RBFOX1: variants seen among roughly 807,000 people sequenced by gnomAD.
The protein encoded by RBFOX1 is RNA binding fox-1 homolog 1.
RBFOX1 carries 8 observed loss-of-function variants against 57.7 expected under a neutral mutation model. That is an observed-to-expected ratio of 0.14 (90% CI 0.08 to 0.25). The LOEUF (loss-of-function observed/expected upper bound fraction) is 0.25, where lower values mean the gene tolerates loss of function less well. Ranked by LOEUF, RBFOX1 falls within the 10% of genes least tolerant of loss-of-function variation. The pLI, the probability that RBFOX1 is intolerant of heterozygous loss-of-function variation, is 1.00. For missense variants in RBFOX1, 611 were observed against 548.5 expected, an observed-to-expected ratio of 1.11 and a Z score of -1.14; for synonymous variants, 326 against 222.4, an observed-to-expected ratio of 1.47 and a Z score of -4.15.
intron 3 of RBFOX1, among the ~76,000 whole-genome samples, chr16:6,976,836 C>A (rs1450583700): frequency 7.3e-6 from 1 of 136,354 alleles, no homozygotes; most frequent in African/African-American, 2.7e-5. Flanking sequence ...TATAATGTAC[C>A]TATCATATGA....
chr16:6,999,061 G>A (rs1280311707), intron 3 of RBFOX1, among the ~76,000 whole-genome samples: 7 of 150,898 alleles, frequency 4.6e-5, no homozygotes, highest in African/African-American at 1.7e-4. Context: ...TAGAGACAGG[G>A]TTTCACCATG....
At chr16:6,771,176 C>T (rs2078231495) in intron 3 of RBFOX1, among the ~76,000 whole-genome samples, 2 of 152,076 alleles carry the variant, frequency 1.3e-5, no homozygotes, top group Admixed American at 1.3e-4. Flanking sequence ...GTCTGCAAGC[C>T]AAGGAAAGAG....
At chr16:6,470,376 T>C (rs962269682) in intron 2 of RBFOX1, among the ~76,000 whole-genome samples, 1 of 152,230 alleles carries the variant, frequency 6.6e-6, no homozygotes, top group Admixed American at 6.5e-5. Context: ...TATATTGATA[T>C]ATGAAAGCTT....
chr16:5,505,461 G>C (rs965458472), intron 2 of RBFOX1, among the ~76,000 whole-genome samples: 1 of 152,142 alleles, frequency 6.6e-6, no homozygotes, highest in African/African-American at 2.4e-5. Flanking sequence ...TAGTGTCTGA[G>C]CAACATTTGC....
chr16:7,049,394 C>T (rs1055449221), intron 3 of RBFOX1, among the ~76,000 whole-genome samples: 3 of 152,032 alleles, frequency 2.0e-5, no homozygotes, highest in African/African-American at 7.3e-5. Flanking sequence ...TATACATGAA[C>T]ACTACCCTGA....
At chr16:6,375,293 A>G (rs1316552630) in intron 2 of RBFOX1, among the ~76,000 whole-genome samples, 1 of 150,088 alleles carries the variant, frequency 6.7e-6, no homozygotes, top group East Asian at 1.9e-4. Flanking sequence ...GTGGGGAAAA[A>G]AAACAAAAAC....
chr16:7,267,472 G>A (rs1189828663), intron 4 of RBFOX1, among the ~76,000 whole-genome samples: 2 of 152,114 alleles, frequency 1.3e-5, no homozygotes, highest in African/African-American at 4.8e-5. Context: ...GTAGGTGGAG[G>A]TTGCAGCGAG....
At chr16:6,178,056 T>G (rs1410579397) in intron 1 of RBFOX1, among the ~76,000 whole-genome samples, 3 of 152,258 alleles carry the variant, frequency 2.0e-5, no homozygotes, top group Non-Finnish European at 4.4e-5. Context: ...CAGGATTTTA[T>G]TTTTCCCTAA....
chr16:5,704,142 C>T (rs972462737), intron 3 of RBFOX1, among the ~76,000 whole-genome samples: 2 of 152,112 alleles, frequency 1.3e-5, no homozygotes, highest in Non-Finnish European at 2.9e-5. Context: ...GAGGACATGA[C>T]AGCAAGAAGA....
chr16:5,544,633 A>G (rs982052505), intron 2 of RBFOX1, among the ~76,000 whole-genome samples: 6 of 152,198 alleles, frequency 3.9e-5, no homozygotes, highest in Admixed American at 6.6e-5. Context: ...ATAAATTGAG[A>G]AGCAGCTAAC....
chr16:7,164,990 A>G (rs2079122403), intron 4 of RBFOX1, among the ~76,000 whole-genome samples: 1 of 152,198 alleles, frequency 6.6e-6, no homozygotes, highest in African/African-American at 2.4e-5. Flanking sequence ...CTGAATTTGG[A>G]GCCCTATAAA....
Position 7,020,894 on chromosome 16 carries a change from A to C in RBFOX1, c.-15-31163A>C, listed in dbSNP as rs116800592. Among the ~76,000 whole-genome samples the C allele has an allele frequency of 2.2e-3, 330 of 151,670 alleles. 1 individual carries two copies. Among genetic ancestry groups the C allele is most frequent in the African/African-American group, 7.7e-3 (316 of 40,962 alleles). On this transcript the variant is annotated intron_variant, in intron 3 of 15. Coordinates refer to ENST00000550418, the MANE Select transcript of RBFOX1 (RefSeq NM_018723.4). ...GTAATCCCAGAACTTTGCGATGCTA[A>C]GACAGGCAAATCGCTTGAGGCCAGG... is the stretch of plus-strand genomic sequence containing the variant.
At chr16:7,665,290 T>C (rs561160565) in intron 13 of RBFOX1, among the ~76,000 whole-genome samples, 1 of 152,210 alleles carries the variant, frequency 6.6e-6, no homozygotes, top group Admixed American at 6.5e-5. Context: ...GTTCTCGATA[T>C]GTTCTTCGTT....
At chr16:6,081,560 A>T (rs2096002314) in intron 1 of RBFOX1, among the ~76,000 whole-genome samples, 1 of 152,156 alleles carries the variant, frequency 6.6e-6, no homozygotes, top group Non-Finnish European at 1.5e-5. Flanking sequence ...CATGAATGGG[A>T]ACAGCTGGTT....
intron 3 of RBFOX1, among the ~76,000 whole-genome samples, chr16:5,631,608 G>C (rs1328863539): frequency 6.6e-6 from 1 of 151,512 alleles, no homozygotes; most frequent in Admixed American, 6.6e-5. Context: ...TTTGACTTCA[G>C]TTTTAGGTAA....
intron 4 of RBFOX1, among the ~76,000 whole-genome samples, chr16:7,297,888 C>T (rs748793883): frequency 3.3e-5 from 5 of 151,912 alleles, no homozygotes; most frequent in East Asian, 1.9e-4. Flanking sequence ...TATTTGTTTC[C>T]GGGCCCTTTT....
intron 4 of RBFOX1, among the ~76,000 whole-genome samples, chr16:7,262,697 C>A (rs1213503988): frequency 6.6e-6 from 1 of 152,248 alleles, no homozygotes; most frequent in Non-Finnish European, 1.5e-5. Flanking sequence ...CCTGAATAAT[C>A]AGCAGGTGTC....
At chr16:6,885,528 T>C (rs894997162) in intron 3 of RBFOX1, among the ~76,000 whole-genome samples, 1 of 130,812 alleles carries the variant, frequency 7.6e-6, no homozygotes, top group East Asian at 2.3e-4. Flanking sequence ...CATTTTATTT[T>C]TTTATTTTTT....
At chr16:5,922,598 C>T (rs564194847) in intron 4 of RBFOX1, among the ~76,000 whole-genome samples, 11 of 152,164 alleles carry the variant, frequency 7.2e-5, no homozygotes, top group Admixed American at 3.9e-4. Flanking sequence ...CACAGTCATC[C>T]GCCCACTCTG....
Sources: allele counts gnomAD v4.1 joint callset (sites outside exome capture counted in the v4.1 genomes callset), GRCh38; gene constraint gnomAD v4.1.1; transcripts MANE v1.5; gene names NCBI Gene and HGNC (gene_info 2026-07-23, HGNC 2026-07-21).